SNTB1: variants seen among roughly 807,000 people sequenced by gnomAD.
SNTB1 encodes the protein syntrophin beta 1, also known as beta-1-syntrophin.
In SNTB1, 36 loss-of-function variants were observed where a neutral mutation model predicts 48.9. That is an observed-to-expected ratio of 0.74 (90% CI 0.56 to 0.97). The LOEUF (loss-of-function observed/expected upper bound fraction) is 0.97. Ranked by LOEUF, SNTB1 falls within the 50% of genes least tolerant of loss-of-function variation. SNTB1 has a pLI of 0.00. For missense variants in SNTB1, 786 were observed against 703.4 expected (o/e 1.12, Z -1.33); for synonymous variants, 299 against 294.6 (o/e 1.01, Z -0.15).
At chr8:120,594,516 G>A (rs1816292594) in intron 3 of SNTB1, among the ~76,000 whole-genome samples, 2 of 152,064 alleles carry the variant, frequency 1.3e-5, no homozygotes, top group Admixed American at 6.5e-5. Flanking sequence ...GGGATTACAG[G>A]TGTGAGCCAC....
At chr8:120,664,991 C>A (rs1817650616) in intron 2 of SNTB1, among the ~76,000 whole-genome samples, 1 of 152,168 alleles carries the variant, frequency 6.6e-6, no homozygotes, top group South Asian at 2.1e-4. Context: ...CAGTATCTCA[C>A]TGTGGTTTTA....
intron 1 of SNTB1, among the ~76,000 whole-genome samples, chr8:120,808,609 A>T (rs138897504): frequency 1.5e-3 from 222 of 152,350 alleles, no homozygotes; most frequent in African/African-American, 5.0e-3. Flanking sequence ...TCTTCCATAC[A>T]GCAGCCCTGT....
intron 1 of SNTB1, among the ~76,000 whole-genome samples, chr8:120,787,638 G>C (rs1819945941): frequency 6.6e-6 from 1 of 152,076 alleles, no homozygotes; most frequent in South Asian, 2.1e-4. Flanking sequence ...GAATTTCAGA[G>C]CCTGAGGACA....
intron 1 of SNTB1, among the ~76,000 whole-genome samples, chr8:120,729,469 A>T (rs183434107): frequency 7.1e-4 from 108 of 152,334 alleles, no homozygotes; most frequent in Middle Eastern, 3.4e-3. Flanking sequence ...GTACGAATAT[A>T]TATGTGCTTG....
chr8:120,708,415 CCAGAGACTAGACACAA>C (rs1554656299), intron 1 of SNTB1, among the ~76,000 whole-genome samples: 1 of 151,972 alleles, frequency 6.6e-6, no homozygotes, highest in Non-Finnish European at 1.5e-5. Flanking sequence ...TCAAACTATT[CCAGAGACTAGACACAA>C]AAAGAGTCTC....
rs749814893 is a variant in SNTB1, at chr8:120,538,835, C to G, written c.*42G>C. ...TGTCTGACATCACGTTCTCTGGTGG[C>G]ATTGCAGCCCTTCTTTTCTCAAAGG... On this transcript the variant is annotated 3_prime_UTR_variant, in exon 7 of 7. Coordinates refer to ENST00000517992, the MANE Select transcript of SNTB1 (RefSeq NM_021021.4). 1 of 1,476,588 alleles carries G rather than the reference C, an allele frequency of 6.8e-7. No individual in the cohort carries two copies. The allele number at this position is 1,476,588 out of a possible 1,614,324, so 91.5% of individuals were successfully genotyped here.
At chr8:120,544,748 T>A (rs141243312) in intron 5 of SNTB1, among the ~76,000 whole-genome samples, 1 of 151,706 alleles carries the variant, frequency 6.6e-6, no homozygotes, top group African/African-American at 2.4e-5. Flanking sequence ...TTAAACTTAG[T>A]ATTCAGGTGG....
At chr8:120,603,817 C>A (rs548012609) in intron 3 of SNTB1, among the ~76,000 whole-genome samples, 55 of 152,280 alleles carry the variant, frequency 3.6e-4, no homozygotes, top group African/African-American at 1.3e-3. Flanking sequence ...ATGATCAATT[C>A]ACTAATCAAT....
At chr8:120,800,772 ACT>A (rs1820212826) in intron 1 of SNTB1, among the ~76,000 whole-genome samples, 1 of 152,046 alleles carries the variant, frequency 6.6e-6, no homozygotes, top group East Asian at 1.9e-4. Context: ...GTGGTTAATA[ACT>A]CTAAGAAATC....
chr8:120,584,953 G>A (rs1239037171), intron 3 of SNTB1, among the ~76,000 whole-genome samples: 4 of 152,080 alleles, frequency 2.6e-5, no homozygotes, highest in Non-Finnish European at 2.9e-5. Context: ...GAAACTAGGA[G>A]ACAGGCATGG....
At chr8:120,560,573 A>T (rs1289658640) in intron 4 of SNTB1, among the ~76,000 whole-genome samples, 1 of 152,240 alleles carries the variant, frequency 6.6e-6, no homozygotes, top group Admixed American at 6.5e-5. Context: ...CAGAAAGTTG[A>T]TATTGAGGGA....
chr8:120,643,510 A>G (rs1437368840), intron 2 of SNTB1, among the ~76,000 whole-genome samples: 1 of 152,224 alleles, frequency 6.6e-6, no homozygotes, highest in African/African-American at 2.4e-5. Flanking sequence ...TTATAAGAAC[A>G]TGAGATATTT....
intron 1 of SNTB1, among the ~76,000 whole-genome samples, chr8:120,745,509 T>A (rs796757189): frequency 9.2e-5 from 14 of 152,150 alleles, no homozygotes; most frequent in African/African-American, 3.4e-4. Context: ...TCACCTAGAT[T>A]AATTCTCAGA....
chr8:120,693,645 A>G (rs765744319), intron 2 of SNTB1, 47 bp downstream of exon 2: 44 of 1,540,914 alleles, frequency 2.9e-5, no homozygotes, highest in Non-Finnish European at 3.7e-5. Flanking sequence ...TTAGCCTGAG[A>G]GGCCGAGGAG....
chr8:120,811,471 T>A lies in SNTB1; in HGVS notation c.373A>T (p.Ile125Phe), dbSNP rs750898299. The change falls in exon 1 of 7, where the codon ATC (isoleucine) becomes TTC (phenylalanine). Residue 125 changes from isoleucine (I) to phenylalanine (F), a missense_variant. Transcript: ENST00000517992. ...TTCTCCTTGCCCCCCTTGATGCTGA[T>A]CCCCAGCCCGCCCAGCTCCTGCTTC... ...VLKQELGGLG[I>F]SIKGGKENKM... 2 of 1,613,956 alleles carry A rather than the reference T, an allele frequency of 1.2e-6. No homozygotes were observed. Among genetic ancestry groups the A allele is most frequent in the Non-Finnish European group, 1.7e-6 (2 of 1,179,908 alleles).
intron 1 of SNTB1, among the ~76,000 whole-genome samples, chr8:120,776,130 C>G (rs1302995876): frequency 1.3e-5 from 2 of 152,196 alleles, no homozygotes; most frequent in Non-Finnish European, 2.9e-5. Flanking sequence ...TATAAAGACA[C>G]ATGCACATGT....
At chr8:120,586,702 C>T (rs1816148384) in intron 3 of SNTB1, among the ~76,000 whole-genome samples, 1 of 152,162 alleles carries the variant, frequency 6.6e-6, no homozygotes, top group African/African-American at 2.4e-5. Context: ...AGGATGTGGA[C>T]ATCCTTGTGG....
intron 2 of SNTB1, among the ~76,000 whole-genome samples, chr8:120,673,492 T>C (rs1817788575): frequency 6.6e-6 from 1 of 152,104 alleles, no homozygotes; most frequent in Non-Finnish European, 1.5e-5. Flanking sequence ...GGTTTCACCA[T>C]GTTGGCCAGG....
chr8:120,605,238 G>A (rs984992637), intron 3 of SNTB1, among the ~76,000 whole-genome samples: 1 of 152,202 alleles, frequency 6.6e-6, no homozygotes, highest in Non-Finnish European at 1.5e-5. Context: ...AATGGGCTTA[G>A]TCCTTTGCAG....
Sources: allele counts gnomAD v4.1 joint callset (sites outside exome capture counted in the v4.1 genomes callset), GRCh38; gene constraint gnomAD v4.1.1; transcripts MANE v1.5; gene names NCBI Gene and HGNC (gene_info 2026-07-23, HGNC 2026-07-21).